The following AP3M2 variants were observed in gnomAD, a reference collection of about 807,000 sequenced individuals.
The protein encoded by AP3M2 is adaptor related protein complex 3 subunit mu 2, also known as AP-3 complex subunit mu-2.
In AP3M2, 28 loss-of-function variants were observed where a neutral mutation model predicts 41.6. That is an observed-to-expected ratio of 0.67 (90% CI 0.50 to 0.92). The LOEUF is 0.92. AP3M2 is among the 40% of genes least tolerant of loss of function. The pLI, the probability that AP3M2 is intolerant of heterozygous loss-of-function variation, is 0.00. For synonymous variants in AP3M2, 193 were observed against 186.4 expected (o/e 1.04, Z -0.29); for missense variants, 427 against 521.4 (o/e 0.82, Z 1.76).
At chr8:42,155,034 C>A in intron 2 of AP3M2, 74 bp downstream of exon 2, 2 of 1,264,820 alleles carry the variant, frequency 1.6e-6, no homozygotes, top group Non-Finnish European at 2.2e-6. Context: ...TTGTGTAAAG[C>A]CTCCATTAAG....
intron 3 of AP3M2, among the ~76,000 whole-genome samples, chr8:42,160,937 T>C (rs1216980867): frequency 6.6e-6 from 1 of 152,246 alleles, no homozygotes; most frequent in African/African-American, 2.4e-5. Flanking sequence ...CTGAATCATT[T>C]ACGAATATTA....
intron 3 of AP3M2, among the ~76,000 whole-genome samples, chr8:42,160,127 T>A (rs780759603): frequency 1.1e-4 from 17 of 152,290 alleles, no homozygotes; most frequent in Admixed American, 3.9e-4. Flanking sequence ...TCAAAGGAAA[T>A]GCTCATTGGA....
Position 42,168,421 on chromosome 8 carries a change from T to G in AP3M2, c.1157-540T>G, listed in dbSNP as rs538256326. Among the ~76,000 whole-genome samples, 15 of 152,330 alleles carry G rather than the reference T, an allele frequency of 9.8e-5. No homozygotes were observed. In the South Asian group the frequency reaches 3.1e-3, roughly 32 times the overall value. On this transcript the variant is annotated intron_variant, in intron 8 of 8. Coordinates refer to ENST00000396926, the MANE Select transcript of AP3M2 (RefSeq NM_006803.4). The stretch of plus-strand genomic sequence containing the variant: ...GATGACTTTAGCTTTATATGAAGTT[T>G]CTGTTTTTCTGTACAAACGGGCCTT...
intron 6 of AP3M2, among the ~76,000 whole-genome samples, chr8:42,166,721 C>T (rs1804648323): frequency 6.6e-6 from 1 of 151,258 alleles, no homozygotes; most frequent in Non-Finnish European, 1.5e-5. Context: ...GAGCTATGAT[C>T]GTGCCACTGC....
chr8:42,154,934 C>G lies in AP3M2; in HGVS notation c.247C>G (p.Leu83Val). 3 of 1,614,084 alleles carry G rather than the reference C, an allele frequency of 1.9e-6. No individual in the cohort carries two copies. The highest frequency in any genetic ancestry group is 2.5e-6 in the Non-Finnish European group (3 of 1,180,006). ...EVPPLFVIEF[L>V]HRVVDTFQDY... ...CCCCCCTCTGTTTGTCATTGAGTTT[C>G]TTCACCGAGTGGTGGACACATTTCA... is the stretch of plus-strand genomic sequence containing the variant. Residue 83 changes from leucine (L) to valine (V), a missense_variant, in exon 2 of 9, where the codon CTT becomes GTT. Physicochemically the swap from Leu to Val is conservative, Grantham distance 32 (BLOSUM62 1). This residue lies in a region of AP3M2 where 86 missense variants were observed against 142.6 expected (regional missense o/e 0.60). Coordinates refer to ENST00000396926, the MANE Select transcript of AP3M2 (RefSeq NM_006803.4).
chr8:42,162,446 A>G (rs1168545489), intron 4 of AP3M2, 28 bp downstream of exon 4: 3 of 1,577,458 alleles, frequency 1.9e-6, no homozygotes, highest in Non-Finnish European at 2.6e-6. Context: ...GTTCTCAGAA[A>G]TATGAAAATA....
chr8:42,158,603 C>A (rs937594226), intron 3 of AP3M2, among the ~76,000 whole-genome samples: 24 of 151,714 alleles, frequency 1.6e-4, no homozygotes, highest in African/African-American at 5.8e-4. Context: ...TGGAAAATAC[C>A]CTGATTTTAA....
At chr8:42,167,529 A>G in intron 7 of AP3M2, 137 bp from the exon 8 acceptor site, 3 of 1,372,392 alleles carry the variant, frequency 2.2e-6, no homozygotes, top group Non-Finnish European at 3.0e-6. Context: ...TAGGATTCTC[A>G]ATGGAAAGAT....
At chr8:42,168,478 G>A (rs927668930) in intron 8 of AP3M2, among the ~76,000 whole-genome samples, 1 of 152,148 alleles carries the variant, frequency 6.6e-6, no homozygotes, top group African/African-American at 2.4e-5. Flanking sequence ...TTCATTTGAT[G>A]TATAAGCTCT....
At chr8:42,153,802 TA>T (rs761961572) in intron 1 of AP3M2, 1 of 152,156 alleles carries the variant, frequency 6.6e-6, no homozygotes, top group African/African-American at 2.4e-5. Flanking sequence ...GGGATCTTTT[TA>T]AATGTCTTAC....
At chr8:42,155,391 T>C (rs1804328775) in intron 2 of AP3M2, among the ~76,000 whole-genome samples, 1 of 152,170 alleles carries the variant, frequency 6.6e-6, no homozygotes, top group Admixed American at 6.5e-5. Flanking sequence ...ACTCTCCCAG[T>C]CAGGGGTAAC....
At chr8:42,167,477 G>T in intron 7 of AP3M2, 106 bp downstream of exon 7, 1 of 1,434,186 alleles carries the variant, frequency 7.0e-7, no homozygotes, top group Non-Finnish European at 9.5e-7. Flanking sequence ...ATGAGTCAAA[G>T]GGACCTTGTT....
intron 3 of AP3M2, 53 bp downstream of exon 3, chr8:42,158,165 C>T: frequency 6.4e-7 from 1 of 1,565,990 alleles, no homozygotes; most frequent in South Asian, 1.1e-5. Context: ...GCCTGAGTGG[C>T]TTAGTCGAGT....
At chr8:42,165,266 C>T (rs1019708977) in intron 5 of AP3M2, 110 bp downstream of exon 5, 11 of 1,430,798 alleles carry the variant, frequency 7.7e-6, no homozygotes, top group African/African-American at 4.3e-5. Flanking sequence ...AGGACAGCCA[C>T]GAAGCTTGTC....
In AP3M2 at chr8:42,167,409, A is replaced by C. The variant is rs986172554; in HGVS notation, c.1011+38A>C. ...AGGACATCTTGAATTGCTGATGTTA[A>C]GCAGAAACCAGTCTGCAGGTTCTCT... is the stretch of plus-strand genomic sequence containing the variant. On this transcript the variant is annotated intron_variant, in intron 7 of 8. Coordinates refer to ENST00000396926, the MANE Select transcript of AP3M2 (RefSeq NM_006803.4). 1.9e-6 allele frequency: 3 copies of C among 1,605,864 alleles called. No individual in the cohort carries two copies. The African/African-American group carries it at 4.0e-5, about 21-fold the overall frequency.
rs1804529280 is a variant in AP3M2, at chr8:42,162,363, C to T, written c.528C>T (p.Asn176=). The part of the protein sequence containing the change: ...PWRRTGVKYT[N]NEAYFDVIEE... ...GACGGACTGGGGTGAAATATACCAACAATGAGGCCTATTTTGATGTGATTG... is the reference window on the plus strand; with the variant it reads ...GACGGACTGGGGTGAAATATACCAATAATGAGGCCTATTTTGATGTGATTG... Residue 176 remains asparagine (N), a synonymous_variant, in exon 4 of 9, where the codon AAC becomes AAT. Coordinates refer to ENST00000396926, the MANE Select transcript of AP3M2 (RefSeq NM_006803.4). The T allele has an allele frequency of 6.2e-7, 1 of 1,613,484 alleles. No homozygotes were observed. Among genetic ancestry groups the T allele is most frequent in the African/African-American group, 1.3e-5 (1 of 74,874 alleles).
chr8:42,155,886 C>G (rs1222358567), intron 2 of AP3M2: 1 of 424,418 alleles, frequency 2.4e-6, no homozygotes, highest in East Asian at 7.2e-5. Flanking sequence ...AGAGTTCCTT[C>G]TCTTGTACTC....
At chr8:42,161,153 A>G (rs540320560) in intron 3 of AP3M2, among the ~76,000 whole-genome samples, 73 of 152,136 alleles carry the variant, frequency 4.8e-4, no homozygotes, top group Non-Finnish European at 9.3e-4. Context: ...AAATACAAAA[A>G]TTAGCCAAGC....
chr8:42,163,943 G>T (rs1001149095), intron 4 of AP3M2, among the ~76,000 whole-genome samples: 1 of 152,208 alleles, frequency 6.6e-6, no homozygotes, highest in Admixed American at 6.5e-5. Context: ...GAGGGCAGAT[G>T]TGAGTGATTG....
Sources: gnomAD v4.1 joint callset for allele counts (sites outside exome capture counted in the v4.1 genomes callset) on GRCh38, gnomAD v4.1.1 for gene constraint, gnomAD v4.1.1 regional missense constraint, MANE v1.5 for transcripts, NCBI Gene and HGNC (gene_info 2026-07-23, HGNC 2026-07-21) for gene names.